COLGALT2: variants seen among roughly 807,000 people sequenced by gnomAD.
COLGALT2 encodes procollagen galactosyltransferase 2.
COLGALT2 carries 49 observed loss-of-function variants against 73.4 expected under a neutral mutation model. The observed-to-expected ratio is 0.67, with a 90% CI of 0.53 to 0.85. COLGALT2 has a LOEUF of 0.85. Among genes scored for constraint, COLGALT2 ranks in the 40% least tolerant of loss-of-function variants. The pLI, the probability that COLGALT2 is intolerant of heterozygous loss-of-function variation, is 0.00. For missense variants in COLGALT2, 722 were observed against 790.2 expected, an observed-to-expected ratio of 0.91 and a Z score of 1.03; for synonymous variants, 295 against 307.6, an observed-to-expected ratio of 0.96 and a Z score of 0.43.
At chr1:183,994,132 G>A (rs917830529) in intron 1 of COLGALT2, among the ~76,000 whole-genome samples, 13 of 133,974 alleles carry the variant, frequency 9.7e-5, no homozygotes, top group African/African-American at 3.1e-4. Context: ...TCCAGCTCCC[G>A]GGTTCACACC....
At chr1:183,982,803 TA>T (rs966614993) in intron 1 of COLGALT2, among the ~76,000 whole-genome samples, 15 of 151,968 alleles carry the variant, frequency 9.9e-5, no homozygotes, top group East Asian at 5.8e-4. Context: ...CCCCATCTCT[TA>T]AAAAAAATAG....
At chr1:183,951,234 C>A in intron 7 of COLGALT2, 121 bp from the exon 8 acceptor site, 5 of 689,824 alleles carry the variant, frequency 7.2e-6, no homozygotes, top group Admixed American at 2.2e-5. Context: ...GAAGAACTGT[C>A]GTGAAAATTC....
At chr1:183,948,531 A>AT (rs1411824443) in intron 8 of COLGALT2, among the ~76,000 whole-genome samples, 3 of 152,188 alleles carry the variant, frequency 2.0e-5, no homozygotes, top group Non-Finnish European at 4.4e-5. Context: ...CCCTTTTATG[A>AT]TAAAAATACT....
chr1:184,027,626 C>G (rs1258225182), intron 1 of COLGALT2, among the ~76,000 whole-genome samples: 1 of 152,164 alleles, frequency 6.6e-6, no homozygotes, highest in Non-Finnish European at 1.5e-5. Flanking sequence ...TAGGCCACCT[C>G]AATTACTAAT....
Position 183,996,814 on chromosome 1 carries a change from A to G in COLGALT2, c.264-18294T>C, listed in dbSNP as rs370774374. Among the ~76,000 whole-genome samples the G allele has an allele frequency of 3.1e-4, 47 of 152,352 alleles. 1 individual carries two copies. The highest frequency in any genetic ancestry group is 1.1e-3 in the African/African-American group (45 of 41,580). ...AAGACTCTAAGAAAGTAAATACTAC[A>G]TGGGTTGAGGAAATGACCTATTATA... On this transcript the variant is annotated intron_variant, in intron 1 of 11. Coordinates refer to ENST00000361927, the MANE Select transcript of COLGALT2 (RefSeq NM_015101.4).
chr1:183,937,350 G>A lies in COLGALT2; in HGVS notation c.*1411C>T. ...ACATAAACTTGAGGGAAACCACCAT[G>A]ATCTATACTAGGATGACAGATTGTG... On this transcript the variant is annotated 3_prime_UTR_variant, in exon 12 of 12. Coordinates refer to ENST00000361927, the MANE Select transcript of COLGALT2 (RefSeq NM_015101.4). The A allele has an allele frequency of 9.8e-7, 1 of 1,021,488 alleles. No individual in the cohort carries two copies. The highest frequency in any genetic ancestry group is 1.2e-6 in the Non-Finnish European group (1 of 854,192). The allele number at this position is 1,021,488 out of a possible 1,614,324, so 63.3% of individuals were successfully genotyped here. A position where few individuals can be genotyped will look rare whatever the true frequency, so the allele number is the denominator to read the frequency against.
rs1433443324 is a variant in COLGALT2, at chr1:183,960,602, G to A, written c.952+3299C>T. On this transcript the variant is annotated intron_variant, in intron 6 of 11. Coordinates refer to ENST00000361927, the MANE Select transcript of COLGALT2 (RefSeq NM_015101.4). ...AATCCCTAGTACCTTCAGAGAAGACGCATACATTACAGGCATTCTATGTTT... is the reference window on the plus strand; with the variant it reads ...AATCCCTAGTACCTTCAGAGAAGACACATACATTACAGGCATTCTATGTTT... Among the ~76,000 whole-genome samples the A allele has an allele frequency of 3.3e-5, 5 of 152,270 alleles. No homozygotes were observed. The East Asian group carries it at 5.8e-4, about 18-fold the overall frequency.
At chr1:183,995,165 C>G (rs1194115436) in intron 1 of COLGALT2, among the ~76,000 whole-genome samples, 1 of 151,950 alleles carries the variant, frequency 6.6e-6, no homozygotes, top group Non-Finnish European at 1.5e-5. Context: ...ATAAAATTTC[C>G]AAACTTGTAG....
At chr1:184,002,022 C>G (rs999103782) in intron 1 of COLGALT2, among the ~76,000 whole-genome samples, 3 of 152,254 alleles carry the variant, frequency 2.0e-5, no homozygotes, top group African/African-American at 7.2e-5. Flanking sequence ...TATGCCACCC[C>G]TTGCTCCTAT....
chr1:184,027,397 C>T (rs1393287331), intron 1 of COLGALT2, among the ~76,000 whole-genome samples: 3 of 152,216 alleles, frequency 2.0e-5, no homozygotes, highest in East Asian at 1.9e-4. Flanking sequence ...ATTCCTAGGA[C>T]CCCGCTGTGG....
At chr1:183,958,445 C>T (rs564561046) in intron 6 of COLGALT2, among the ~76,000 whole-genome samples, 2 of 152,244 alleles carry the variant, frequency 1.3e-5, no homozygotes, top group Non-Finnish European at 1.5e-5. Flanking sequence ...TGGCACTTGA[C>T]ACCACCAAAT....
chr1:184,017,498 T>C (rs1178251041), intron 1 of COLGALT2, among the ~76,000 whole-genome samples: 1 of 152,086 alleles, frequency 6.6e-6, no homozygotes, highest in Non-Finnish European at 1.5e-5. Context: ...ATAACCTACA[T>C]ATGGAAGTAA....
chr1:184,025,032 T>C (rs1169340986), intron 1 of COLGALT2, among the ~76,000 whole-genome samples: 1 of 152,204 alleles, frequency 6.6e-6, no homozygotes, highest in East Asian at 1.9e-4. Context: ...TACTGCCCTT[T>C]CCACTTTAGA....
intron 11 of COLGALT2, among the ~76,000 whole-genome samples, chr1:183,939,430 G>A (rs956894666): frequency 3.5e-4 from 54 of 152,170 alleles, no homozygotes; most frequent in African/African-American, 8.0e-4. Flanking sequence ...CATGTGGCAC[G>A]TGGAGGCTTA....
chr1:183,941,000 C>T (rs1266455507), intron 10 of COLGALT2, among the ~76,000 whole-genome samples: 2 of 152,210 alleles, frequency 1.3e-5, no homozygotes, highest in African/African-American at 4.8e-5. Context: ...CATTTATCAA[C>T]ACCCCCACTA....
chr1:184,030,361 A>G (rs183605079), intron 1 of COLGALT2, among the ~76,000 whole-genome samples: 476 of 152,320 alleles, frequency 3.1e-3, no homozygotes, highest in Non-Finnish European at 4.9e-3. Context: ...TGATATGGTA[A>G]CTGGGGAATA....
intron 2 of COLGALT2, among the ~76,000 whole-genome samples, chr1:183,976,047 T>A (rs1459495938): frequency 6.6e-6 from 1 of 152,232 alleles, no homozygotes; most frequent in Non-Finnish European, 1.5e-5. Flanking sequence ...CCAGTTATTG[T>A]TTCAATGAAA....
At chr1:183,952,991 C>A (rs1283215744) in intron 7 of COLGALT2, among the ~76,000 whole-genome samples, 2 of 151,984 alleles carry the variant, frequency 1.3e-5, no homozygotes, top group African/African-American at 4.8e-5. Flanking sequence ...TCTAAGAGAA[C>A]AAAAACAGAA....
At chr1:183,997,817 C>T (rs1436710357) in intron 1 of COLGALT2, among the ~76,000 whole-genome samples, 1 of 152,208 alleles carries the variant, frequency 6.6e-6, no homozygotes, top group African/African-American at 2.4e-5. Context: ...TTAAAACTTA[C>T]ACATGTTGAT....
Sources: allele counts gnomAD v4.1 joint callset (sites outside exome capture counted in the v4.1 genomes callset), GRCh38; gene constraint gnomAD v4.1.1; transcripts MANE v1.5; gene names NCBI Gene and HGNC (gene_info 2026-07-23, HGNC 2026-07-21).